Variants in CPO observed in about 807,000 individuals in gnomAD.
CPO encodes carboxypeptidase O.
A neutral mutation model predicts 41.2 loss-of-function variants in CPO; 43 were observed. The observed-to-expected ratio is 1.04, with a 90% CI of 0.82 to 1.35. The LOEUF is 1.35. Among genes scored for constraint, CPO ranks in the 40% most tolerant of loss-of-function variants. CPO has a pLI of 0.00. For synonymous variants in CPO, 178 were observed against 162.7 expected, an observed-to-expected ratio of 1.09 and a Z score of -0.72; for missense variants, 408 against 451.7, an observed-to-expected ratio of 0.90 and a Z score of 0.88.
chr2:206,949,274 C>G (rs1693206036), intron 1 of CPO, among the ~76,000 whole-genome samples: 1 of 152,166 alleles, frequency 6.6e-6, no homozygotes, highest in Non-Finnish European at 1.5e-5. Context: ...TTGCTTAGAA[C>G]AGTGCATGTC....
At chr2:206,961,265 T>C (rs890982385) in intron 6 of CPO, among the ~76,000 whole-genome samples, 4 of 152,190 alleles carry the variant, frequency 2.6e-5, no homozygotes, top group African/African-American at 9.7e-5. Flanking sequence ...GACTTATCCT[T>C]GCAGATTATT....
intron 7 of CPO, among the ~76,000 whole-genome samples, chr2:206,967,369 ATAGAT>A (rs1693601396): frequency 6.7e-6 from 1 of 149,744 alleles, no homozygotes; most frequent in Non-Finnish European, 1.5e-5. Flanking sequence ...AGATATAGAT[ATAGAT>A]ATAGATATAG....
intron 7 of CPO, among the ~76,000 whole-genome samples, chr2:206,964,573 G>A (rs573977599): frequency 3.9e-5 from 6 of 152,144 alleles, no homozygotes; most frequent in Admixed American, 2.6e-4. Context: ...TCTCTGCTCA[G>A]AAAGGATGTG....
chr2:206,940,609 A>G (rs1263081054), intron 1 of CPO, among the ~76,000 whole-genome samples: 2 of 151,932 alleles, frequency 1.3e-5, no homozygotes, highest in Non-Finnish European at 2.9e-5. Context: ...CTCTAAATAC[A>G]TTCTATTGAA....
chr2:206,962,173 A>G (rs1406786738), intron 6 of CPO, among the ~76,000 whole-genome samples: 1 of 151,858 alleles, frequency 6.6e-6, no homozygotes, highest in East Asian at 1.9e-4. Context: ...CGGGCCATGG[A>G]AGCATGGAGT....
At chr2:206,966,737 G>A (rs1351047789) in intron 7 of CPO, among the ~76,000 whole-genome samples, 2 of 152,184 alleles carry the variant, frequency 1.3e-5, no homozygotes, top group South Asian at 2.1e-4. Flanking sequence ...TGGAGAGAAA[G>A]CAAGTGACTT....
chr2:206,948,556 G>A (rs773841815), intron 1 of CPO, among the ~76,000 whole-genome samples: 1 of 152,130 alleles, frequency 6.6e-6, no homozygotes, highest in Non-Finnish European at 1.5e-5. Flanking sequence ...TTGAGGCCGG[G>A]AGTTTGAGAA....
intron 8 of CPO, 110 bp from the exon 9 acceptor site, chr2:206,969,064 A>G: frequency 8.7e-7 from 1 of 1,155,844 alleles, no homozygotes; most frequent in South Asian, 1.5e-5. Flanking sequence ...ACCCTGATCT[A>G]AAAGAGCTTC....
At chr2:206,946,400 T>C (rs1693146633) in intron 1 of CPO, among the ~76,000 whole-genome samples, 1 of 152,142 alleles carries the variant, frequency 6.6e-6, no homozygotes, top group Non-Finnish European at 1.5e-5. Flanking sequence ...TATAAATAGA[T>C]GTAGAAAAAG....
rs201216947 is a variant in CPO at position 206,956,409 on chromosome 2, T to TCAG, written c.267+847_267+848insGCA. On this transcript the variant is annotated intron_variant, in intron 3 of 8. Coordinates refer to ENST00000272852, the MANE Select transcript of CPO (RefSeq NM_173077.3). ...TCAAAGGGCAGCACTTAAATCATCA[T>TCAG]CATCATCAGCAGCAGCAGCAGCAGC... Among the ~76,000 whole-genome samples the TCAG allele has an allele frequency of 0.013, 1,691 of 130,822 alleles. 82 individuals are homozygous for TCAG. The East Asian group carries it at 0.16, about 12-fold the overall frequency. 85.8% of individuals were successfully genotyped at this position (130,822 alleles called of 152,430 possible).
At chr2:206,963,723 C>T (rs1194113718) in intron 7 of CPO, among the ~76,000 whole-genome samples, 1 of 152,202 alleles carries the variant, frequency 6.6e-6, no homozygotes, top group Non-Finnish European at 1.5e-5. Flanking sequence ...TACTACATTT[C>T]GTTCATCCCA....
intron 7 of CPO, among the ~76,000 whole-genome samples, chr2:206,963,540 G>A (rs1303434081): frequency 6.6e-6 from 1 of 152,054 alleles, no homozygotes; most frequent in East Asian, 1.9e-4. Context: ...TCACTCTACT[G>A]TCTGTTTCTA....
Position 206,949,698 on chromosome 2 carries a change from C to A in CPO, c.150C>A (p.Tyr50Ter), listed in dbSNP as rs775162997. ...TGGAGACGTATTCCTATAACATATA[C>A]CACCCCATGGGAGAGGTAAGGAAGG... is the stretch of plus-strand genomic sequence containing the variant. Reference protein sequence around the residue: ...WSLETYSYNIYHPMGEIYEWM... With the variant: ...WSLETYSYNI The change falls in exon 2 of 9, where the codon TAC (tyrosine) becomes TAA (stop). Residue 50 changes from tyrosine to a stop codon, truncating the protein, a stop_gained. Coordinates refer to ENST00000272852, the MANE Select transcript of CPO (RefSeq NM_173077.3). LOFTEE classifies it high-confidence loss of function. 6.2e-7 allele frequency: 1 copy of A among 1,609,660 alleles called. No individual in the cohort carries two copies. The highest frequency in any genetic ancestry group is 1.3e-5 in the African/African-American group (1 of 74,900).
At chr2:206,951,631 A>C in intron 2 of CPO, among the ~76,000 whole-genome samples, 1 of 152,244 alleles carries the variant, frequency 6.6e-6, no homozygotes, top group East Asian at 1.9e-4. Flanking sequence ...GTAAAGGTCC[A>C]GTATGGCCCA....
At chr2:206,951,757 G>A (rs1161320436) in intron 2 of CPO, among the ~76,000 whole-genome samples, 1 of 152,214 alleles carries the variant, frequency 6.6e-6, no homozygotes, top group Non-Finnish European at 1.5e-5. Context: ...CCTCATCTGT[G>A]AAACAGAAAT....
At chr2:206,949,073 CAA>C (rs11284442) in intron 1 of CPO, among the ~76,000 whole-genome samples, 64 of 99,164 alleles carry the variant, frequency 6.5e-4, no homozygotes, top group African/African-American at 1.3e-3. Flanking sequence ...TAAACCATTG[CAA>C]AAAAAAAAAA....
chr2:206,952,313 C>T (rs540101476), intron 2 of CPO, among the ~76,000 whole-genome samples: 5 of 152,096 alleles, frequency 3.3e-5, no homozygotes, highest in Non-Finnish European at 7.4e-5. Flanking sequence ...CAGGGTTTCA[C>T]CATCTTGGCC....
intron 2 of CPO, 42 bp downstream of exon 2, chr2:206,949,755 C>G: frequency 7.7e-7 from 1 of 1,297,418 alleles, no homozygotes; most frequent in Non-Finnish European, 1.1e-6. Context: ...GTTGTCACAA[C>G]CTACTTTAGG....
chr2:206,967,533 T>C (rs1157357844), intron 7 of CPO, among the ~76,000 whole-genome samples: 1 of 151,668 alleles, frequency 6.6e-6, no homozygotes, highest in Non-Finnish European at 1.5e-5. Flanking sequence ...TTTGAAAAAA[T>C]CCTTTGAAGC....
Sources: gnomAD v4.1 joint callset for allele counts (sites outside exome capture counted in the v4.1 genomes callset) on GRCh38, gnomAD v4.1.1 for gene constraint, MANE v1.5 for transcripts, NCBI Gene and HGNC (gene_info 2026-07-23, HGNC 2026-07-21) for gene names.